Variants in COPB2 observed in about 807,000 individuals in gnomAD.
COPB2 encodes the protein coat protein complex I subunit beta 2.
A neutral mutation model predicts 120.8 loss-of-function variants in COPB2; 16 were observed. The observed-to-expected ratio is 0.13, with a 90% CI of 0.09 to 0.20. The LOEUF is 0.20. Ranked by LOEUF, COPB2 falls within the 10% of genes least tolerant of loss-of-function variation. The pLI is 1.00. For synonymous variants in COPB2, 332 were observed against 366.3 expected, an observed-to-expected ratio of 0.91 and a Z score of 1.07; for missense variants, 794 against 1,076.5, an observed-to-expected ratio of 0.74 and a Z score of 3.67.
At chr3:139,368,372 T>C (rs915342214) in intron 12 of COPB2, 84 bp from the exon 13 acceptor site, 2 of 1,349,536 alleles carry the variant, frequency 1.5e-6, no homozygotes, top group Admixed American at 4.6e-5. Flanking sequence ...TCTTACAACA[T>C]TTACCTTCTT....
intron 3 of COPB2, 29 bp from the exon 4 acceptor site, chr3:139,379,202 C>T (rs1941765943): frequency 1.9e-6 from 3 of 1,577,612 alleles, no homozygotes; most frequent in Non-Finnish European, 2.6e-6. Flanking sequence ...AAACCATCAT[C>T]CCTGTTATCA....
intron 2 of COPB2, chr3:139,380,162 C>A (rs1225202538): frequency 6.6e-6 from 1 of 152,006 alleles, no homozygotes; most frequent in Non-Finnish European, 1.5e-5. Context: ...CAGGTGTGCA[C>A]CACCATGCCA....
At chr3:139,359,893 G>GTAT (rs763837917) in intron 17 of COPB2, among the ~76,000 whole-genome samples, 11 of 151,990 alleles carry the variant, frequency 7.2e-5, no homozygotes, top group Admixed American at 6.6e-5. Flanking sequence ...TGTATACTAT[G>GTAT]TATTACCTTA....
rs771412420 is a variant in COPB2, at chr3:139,366,795, C to G, written c.1677-20G>C. On this transcript the variant is annotated intron_variant, in intron 14 of 21. Transcript: ENST00000333188. ...ATCGTCCTATAAAAGAAACAGAAACCAAGTTAGAAATTCAAATCTGCAATT... is the reference window on the plus strand; with the variant it reads ...ATCGTCCTATAAAAGAAACAGAAACGAAGTTAGAAATTCAAATCTGCAATT... 1 of 1,606,206 alleles carries G rather than the reference C, an allele frequency of 6.2e-7. No individual in the cohort carries two copies. The highest frequency in any genetic ancestry group is 8.5e-7 in the Non-Finnish European group (1 of 1,174,698).
At position 139,358,234 on chromosome 3, in the gene COPB2, A is replaced by G. The variant is rs148124374; in HGVS notation, c.2591T>C (p.Ile864Thr). The change falls in exon 21 of 22, where the codon ATT becomes ACT. Residue 864 changes from isoleucine (I) to threonine (T), a missense_variant. Transcript: ENST00000333188. ...DGKPASPTPVIVASHTANKEE... is the reference protein window; with the variant it reads ...DGKPASPTPVTVASHTANKEE... The stretch of plus-strand genomic sequence containing the variant: ...TTTGTTGGCTGTGTGGGAGGCCACA[A>G]TAACCGGAGTAGGAGAAGCAGGTTT... The G allele has an allele frequency of 1.3e-5, 21 of 1,614,090 alleles. No individual in the cohort carries two copies. The African/African-American group carries it at 2.3e-4, about 17-fold the overall frequency.
rs548809028 is a variant in COPB2 at position 139,381,890 on chromosome 3, GAACTA to G, written c.141+1403_141+1407del. 75 of 100,860 alleles carry G rather than the reference GAACTA, an allele frequency of 7.4e-4. 1 individual carries two copies. In the East Asian group the frequency reaches 0.024, roughly 32 times the overall value. The allele number at this position is 100,860 out of a possible 1,614,324, so 6.2% of individuals were successfully genotyped here. On this transcript the variant is annotated intron_variant, in intron 2 of 21. Transcript: ENST00000333188. ...ATCAGAAATATTTTAAACATCTCAAGAACTAAACAAAAAGCAAAAAAAAAAAGTTA... is the reference window on the plus strand; with the variant it reads ...ATCAGAAATATTTTAAACATCTCAAGAACAAAAAGCAAAAAAAAAAAGTTA...
intron 2 of COPB2, chr3:139,380,879 A>G (rs1379621179): frequency 1.3e-5 from 2 of 152,226 alleles, no homozygotes; most frequent in Non-Finnish European, 2.9e-5. Context: ...GCTCATGAGG[A>G]GCCAACAAAT....
chr3:139,358,508 C>G, intron 20 of COPB2: 1 of 599,436 alleles, frequency 1.7e-6, no homozygotes. Flanking sequence ...GAAACCCTGT[C>G]TCTAATAAAA....
chr3:139,374,873 A>G (rs1225083424), intron 6 of COPB2, among the ~76,000 whole-genome samples: 3 of 152,214 alleles, frequency 2.0e-5, no homozygotes, highest in African/African-American at 7.2e-5. Context: ...TCTCAGGATA[A>G]TAGATTTCCC....
intron 9 of COPB2, among the ~76,000 whole-genome samples, chr3:139,372,357 C>G (rs1018208216): frequency 3.9e-5 from 6 of 152,132 alleles, no homozygotes; most frequent in Non-Finnish European, 5.9e-5. Flanking sequence ...AATGAGAAAA[C>G]AGAATGCTGC....
chr3:139,384,991 T>C (rs1195801630), intron 1 of COPB2: 1 of 152,276 alleles, frequency 6.6e-6, no homozygotes, highest in Admixed American at 6.5e-5. Context: ...AATTATCTAG[T>C]AAATAAATTT....
chr3:139,388,796 CT>C (rs34994462), intron 1 of COPB2, among the ~76,000 whole-genome samples: 123,656 of 141,462 alleles, frequency 0.87, 54,693 homozygotes, highest in East Asian at 0.96. Context: ...CGGCTAATTT[CT>C]TTTTTTTTTT....
intron 17 of COPB2, 40 bp downstream of exon 17, chr3:139,361,041 C>G (rs1435725259): frequency 1.9e-6 from 3 of 1,601,402 alleles, no homozygotes; most frequent in Non-Finnish European, 1.7e-6. Flanking sequence ...AAAAACCATC[C>G]TCAGTGTAGA....
intron 1 of COPB2, among the ~76,000 whole-genome samples, chr3:139,389,144 A>G (rs191934173): frequency 1.2e-4 from 18 of 152,298 alleles, no homozygotes; most frequent in Admixed American, 2.0e-4. Context: ...GCCAGCACAC[A>G]CTATCCCCAG....
At chr3:139,367,459 T>G (rs987116720) in intron 13 of COPB2, among the ~76,000 whole-genome samples, 2 of 152,038 alleles carry the variant, frequency 1.3e-5, no homozygotes, top group East Asian at 3.9e-4. Flanking sequence ...GGCTAATTCT[T>G]ATGTTTTTCG....
intron 5 of COPB2, among the ~76,000 whole-genome samples, chr3:139,377,289 T>G (rs1482257834): frequency 3.3e-5 from 5 of 152,082 alleles, no homozygotes; most frequent in African/African-American, 9.7e-5. Flanking sequence ...ATGGAAGAAA[T>G]GGGATAAGCA....
chr3:139,382,336 C>T (rs1159520939), intron 2 of COPB2: 1 of 152,306 alleles, frequency 6.6e-6, no homozygotes, highest in Non-Finnish European at 1.5e-5. Flanking sequence ...TGCTTGCTTC[C>T]CCTTCACCTG....
chr3:139,358,108 G>T, intron 21 of COPB2, 92 bp downstream of exon 21: 2 of 1,210,804 alleles, frequency 1.7e-6, no homozygotes, highest in Non-Finnish European at 2.4e-6. Flanking sequence ...TGAAACTGAT[G>T]TCACTTAAAC....
chr3:139,361,991 C>G (rs1179176611), intron 16 of COPB2, among the ~76,000 whole-genome samples: 2 of 152,214 alleles, frequency 1.3e-5, no homozygotes, highest in Non-Finnish European at 2.9e-5. Context: ...ACTGCCTGCT[C>G]TATTCAACAC....
Sources: allele counts gnomAD v4.1 joint callset (sites outside exome capture counted in the v4.1 genomes callset), GRCh38; gene constraint gnomAD v4.1.1; transcripts MANE v1.5; gene names NCBI Gene and HGNC (gene_info 2026-07-23, HGNC 2026-07-21).